The following KIRREL3 variants were observed in gnomAD, a reference collection of about 807,000 sequenced individuals.
KIRREL3 encodes kirre like nephrin family adhesion molecule 3.
KIRREL3 carries 36 observed loss-of-function variants against 89.7 expected under a neutral mutation model. That is an observed-to-expected ratio of 0.40 (90% CI 0.31 to 0.53). The LOEUF (loss-of-function observed/expected upper bound fraction) is 0.53. Ranked by LOEUF, KIRREL3 falls within the 20% of genes least tolerant of loss-of-function variation. The pLI is 0.49. For missense variants in KIRREL3, 864 were observed against 1,056.6 expected (o/e 0.82, Z 2.53); for synonymous variants, 445 against 441.4 (o/e 1.01, Z -0.10).
intron 1 of KIRREL3, among the ~76,000 whole-genome samples, chr11:126,853,549 T>C (rs541395213): frequency 6.6e-6 from 1 of 152,316 alleles, no homozygotes; most frequent in East Asian, 1.9e-4. Context: ...ATTTTACTTA[T>C]TACTGAAACA....
Position 126,475,686 on chromosome 11 carries a change from C to T in KIRREL3, c.434-2220G>A, listed in dbSNP as rs534223977. On this transcript the variant is annotated intron_variant, in intron 4 of 16. Coordinates refer to ENST00000525144, the MANE Select transcript of KIRREL3 (RefSeq NM_032531.4). The surrounding 1 kb of genome is among the most constrained non-coding windows in gnomAD (Gnocchi z 7.5). ...TGGATGGAGAAGACGACCCCCCAGCCGCCCACCCCACACCCTTTCATTAGT... is the reference window on the plus strand; with the variant it reads ...TGGATGGAGAAGACGACCCCCCAGCTGCCCACCCCACACCCTTTCATTAGT... Among the ~76,000 whole-genome samples the T allele has an allele frequency of 1.1e-4, 17 of 152,336 alleles. No individual in the cohort carries two copies. Among genetic ancestry groups the T allele is most frequent in the South Asian group, 2.1e-4 (1 of 4,824 alleles).
At chr11:126,799,122 G>A (rs1950909001) in intron 1 of KIRREL3, among the ~76,000 whole-genome samples, 1 of 139,700 alleles carries the variant, frequency 7.2e-6, no homozygotes, top group African/African-American at 2.7e-5. Flanking sequence ...GTATCTGTGT[G>A]TGCGTGTGCA....
rs1013732039 is a variant in KIRREL3, at chr11:126,995,884, A to T, written c.55+4571T>A. Among the ~76,000 whole-genome samples the T allele has an allele frequency of 3.3e-5, 5 of 152,108 alleles. No individual in the cohort carries two copies. Among genetic ancestry groups the T allele is most frequent in the African/African-American group, 1.2e-4 (5 of 41,416 alleles). The stretch of plus-strand genomic sequence containing the variant: ...CTCCTGCTGGCCCTGGCTTCCACCA[A>T]CACAGGCACACACCAGGCAGGGCTG... On this transcript the variant is annotated intron_variant, in intron 1 of 16. Transcript: ENST00000525144. The surrounding 1 kb of genome is among the most constrained non-coding windows in gnomAD (Gnocchi z 6.5).
At chr11:126,480,155 C>T (rs943515607) in intron 4 of KIRREL3, among the ~76,000 whole-genome samples, 4 of 152,170 alleles carry the variant, frequency 2.6e-5, no homozygotes, top group African/African-American at 9.7e-5. Context: ...TGACTTGAGT[C>T]GATCACTTTA....
chr11:126,473,356 T>C lies in KIRREL3; in HGVS notation c.544A>G (p.Ile182Val). The C allele has an allele frequency of 2.1e-6, 3 of 1,441,194 alleles. No homozygotes were observed. Among genetic ancestry groups the C allele is most frequent in the East Asian group, 3.0e-5 (1 of 32,992 alleles). The allele number at this position is 1,441,194 out of a possible 1,614,324, so 89.3% of individuals were successfully genotyped here. Reference sequence around the variant, plus strand: ...ATGACCTCTCCCTTTCGCAACCAGATGATGGAGGCTGCAGGCTTGGCATTG... The same window carrying C: ...ATGACCTCTCCCTTTCGCAACCAGACGATGGAGGCTGCAGGCTTGGCATTG... ...ADNAKPAASI[I>V]WLRKGEVING... Residue 182 changes from isoleucine (I) to valine (V), a missense_variant, in exon 5 of 17, where the codon ATC (isoleucine) becomes GTC (valine). Transcript: ENST00000525144.
chr11:126,923,189 CTT>C (rs1565423159), intron 1 of KIRREL3, among the ~76,000 whole-genome samples: 1,522 of 16,032 alleles, frequency 0.095, 460 homozygotes, highest in Middle Eastern at 0.42. Flanking sequence ...TTCTTCTTCT[CTT>C]CTTCTTCTTC....
In KIRREL3 at chr11:126,456,282, T is replaced by G. The variant is rs1009105626; in HGVS notation, c.848+67A>C. On this transcript the variant is annotated intron_variant, in intron 7 of 16. Transcript: ENST00000525144. ...GCCATGCTGAGGACCCTAAGTGACATCCCACGTGAGAGGCACGGGGGTGGG... is the reference window on the plus strand; with the variant it reads ...GCCATGCTGAGGACCCTAAGTGACAGCCCACGTGAGAGGCACGGGGGTGGG... 45 of 1,044,660 alleles carry G rather than the reference T, an allele frequency of 4.3e-5. No individual in the cohort carries two copies. The African/African-American group carries it at 5.6e-4, about 13-fold the overall frequency. The allele number at this position is 1,044,660 out of a possible 1,614,324, so 64.7% of individuals were successfully genotyped here. A position where few individuals can be genotyped will look rare whatever the true frequency, so the allele number is the denominator to read the frequency against.
In KIRREL3 at chr11:126,844,349, A is replaced by C. The variant is rs1435245488; in HGVS notation, c.55+156106T>G. ...CAATACTAAGGAAACCCCAGACCCA[A>C]AGGCTAACCTTGGGTAAGCAGTGTG... is the stretch of plus-strand genomic sequence containing the variant. On this transcript the variant is annotated intron_variant, in intron 1 of 16. Transcript: ENST00000525144. The surrounding 1 kb of genome is among the most constrained non-coding windows in gnomAD (Gnocchi z 4.8). Among the ~76,000 whole-genome samples the C allele has an allele frequency of 6.6e-6, 1 of 152,188 alleles. No individual in the cohort carries two copies. The highest frequency in any genetic ancestry group is 1.5e-5 in the Non-Finnish European group (1 of 68,020).
At chr11:126,854,069 T>C (rs1336167449) in intron 1 of KIRREL3, among the ~76,000 whole-genome samples, 1 of 151,510 alleles carries the variant, frequency 6.6e-6, no homozygotes, top group African/African-American at 2.4e-5. Context: ...TTTTTCTTTT[T>C]AGTAAAAACA....
rs1219520559 is a variant in KIRREL3, at chr11:126,683,280, A to G, written c.56-120368T>C. 6.6e-6 allele frequency among the ~76,000 whole-genome samples: 1 copy of G among 152,184 alleles called. No individual in the cohort carries two copies. The highest frequency in any genetic ancestry group is 1.5e-5 in the Non-Finnish European group (1 of 68,040). The stretch of plus-strand genomic sequence containing the variant: ...CTGGGAGCTACTTCCAAGGGCATGA[A>G]CCAAATCTGGAAAGTAGAGTTGGGG... On this transcript the variant is annotated intron_variant, in intron 1 of 16. Coordinates refer to ENST00000525144, the MANE Select transcript of KIRREL3 (RefSeq NM_032531.4). The surrounding 1 kb of genome is among the most constrained non-coding windows in gnomAD (Gnocchi z 5.2).
At chr11:126,497,495 C>T (rs994824119) in intron 4 of KIRREL3, among the ~76,000 whole-genome samples, 1 of 152,232 alleles carries the variant, frequency 6.6e-6, no homozygotes, top group Non-Finnish European at 1.5e-5. Flanking sequence ...CCTACAGTGG[C>T]CGCAGGGCCA....
intron 7 of KIRREL3, among the ~76,000 whole-genome samples, chr11:126,451,111 GCA>G (rs1956102943): frequency 1.0e-5 from 1 of 97,846 alleles, no homozygotes; most frequent in South Asian, 3.4e-4. Context: ...GTGCATGTGT[GCA>G]TGTGTGTGTG....
rs1346608115 is a variant in KIRREL3 at position 126,520,018 on chromosome 11, T to C, written c.433+1297A>G. Among the ~76,000 whole-genome samples the C allele has an allele frequency of 1.3e-5, 2 of 152,212 alleles. No individual in the cohort carries two copies. The highest frequency in any genetic ancestry group is 2.1e-4 in the South Asian group (1 of 4,824). ...AGACTCAAAGGTTGCAGGAGGTTTC[T>C]GAGGCTGGCCCCAAGTCCCTCCCCC... On this transcript the variant is annotated intron_variant, in intron 4 of 16. Transcript: ENST00000525144. This position sits in a 1 kb window ranked among gnomAD's most constrained non-coding sequence, Gnocchi z 4.9.
rs1450510382 is a variant in KIRREL3, at chr11:126,579,410, C to T, written c.56-16498G>A. Among the ~76,000 whole-genome samples, 1 of 152,112 alleles carries T rather than the reference C, an allele frequency of 6.6e-6. No homozygotes were observed. The highest frequency in any genetic ancestry group is 2.4e-5 in the African/African-American group (1 of 41,410). ...TCCTGCTTGTTGTCTGAGCTTTTAG[C>T]CCTCTGATTTACTTATTAGATTTCT... On this transcript the variant is annotated intron_variant, in intron 1 of 16. Transcript: ENST00000525144. This position sits in a 1 kb window ranked among gnomAD's most constrained non-coding sequence, Gnocchi z 5.3.
At chr11:126,451,115 G>GTGTGTGTGCATGTGCA (rs1219723166) in intron 7 of KIRREL3, among the ~76,000 whole-genome samples, 4 of 25,918 alleles carry the variant, frequency 1.5e-4, no homozygotes, top group Admixed American at 4.3e-4. Flanking sequence ...ATGTGTGCAT[G>GTGTGTGTGCATGTGCA]TGTGTGTGTG....
Position 126,530,859 on chromosome 11 carries a change from C to G in KIRREL3, c.134-4172G>C, listed in dbSNP as rs1958922022. On this transcript the variant is annotated intron_variant, in intron 2 of 16. Transcript: ENST00000525144. The surrounding 1 kb of genome is among the most constrained non-coding windows in gnomAD (Gnocchi z 5.8). ...TTTTCTTTTTTTTTTGAGACGGAGT[C>G]TGACTTTGTTGCCCAGGCTGGAGTG... Among the ~76,000 whole-genome samples, 1 of 151,818 alleles carries G rather than the reference C, an allele frequency of 6.6e-6. No homozygotes were observed. Among genetic ancestry groups the G allele is most frequent in the Admixed American group, 6.6e-5 (1 of 15,230 alleles).
intron 1 of KIRREL3, among the ~76,000 whole-genome samples, chr11:126,700,628 G>A (rs891193982): frequency 5.9e-5 from 9 of 152,254 alleles, no homozygotes; most frequent in African/African-American, 9.6e-5. Flanking sequence ...CCTTTCTGGC[G>A]GACCCCATTC....
Position 126,446,800 on chromosome 11 carries a change from G to A in KIRREL3, c.1084C>T (p.Pro362Ser). The stretch of plus-strand genomic sequence containing the variant: ...TTCATCCAGACGATGGTCAGGGATG[G>A]GTTGCCGGTCCAGGCGCAGCTGAAG... ...AIFSCAWTGNPSLTIVWMKRG... is the reference protein window; with the variant it reads ...AIFSCAWTGNSSLTIVWMKRG... The change falls in exon 9 of 17, where the codon CCA becomes TCA. Residue 362 changes from proline (P) to serine (S), a missense_variant. Pro to Ser is a moderately conservative substitution (Grantham distance 74). Coordinates refer to ENST00000525144, the MANE Select transcript of KIRREL3 (RefSeq NM_032531.4). 6.2e-7 allele frequency: 1 copy of A among 1,602,440 alleles called. No homozygotes were observed. Among genetic ancestry groups the A allele is most frequent in the Non-Finnish European group, 8.5e-7 (1 of 1,174,794 alleles).
chr11:126,897,819 T>C lies in KIRREL3; in HGVS notation c.55+102636A>G, dbSNP rs185858854. ...ATATAAAATTGATCCTCTGATAAGATGGCACTTGTGGGTTACTTTGACAGA... is the reference window on the plus strand; with the variant it reads ...ATATAAAATTGATCCTCTGATAAGACGGCACTTGTGGGTTACTTTGACAGA... On this transcript the variant is annotated intron_variant, in intron 1 of 16. Coordinates refer to ENST00000525144, the MANE Select transcript of KIRREL3 (RefSeq NM_032531.4). This position sits in a 1 kb window ranked among gnomAD's most constrained non-coding sequence, Gnocchi z 4.2. Among the ~76,000 whole-genome samples, 4 of 152,350 alleles carry C rather than the reference T, an allele frequency of 2.6e-5. No individual in the cohort carries two copies. Among genetic ancestry groups the C allele is most frequent in the African/African-American group, 7.2e-5 (3 of 41,564 alleles).
Sources: allele counts gnomAD v4.1 joint callset (sites outside exome capture counted in the v4.1 genomes callset), GRCh38; gene constraint gnomAD v4.1.1; non-coding constraint Gnocchi (gnomAD v3.1); transcripts MANE v1.5; gene names NCBI Gene and HGNC (gene_info 2026-07-23, HGNC 2026-07-21).